The following MPPED1 variants were observed in gnomAD, a reference collection of about 807,000 sequenced individuals.
MPPED1 encodes metallophosphoesterase domain-containing protein 1.
In MPPED1, 16 loss-of-function variants were observed where a neutral mutation model predicts 36.2. The observed-to-expected ratio is 0.44, with a 90% CI of 0.30 to 0.67. The LOEUF is 0.67. Ranked by LOEUF, MPPED1 falls within the 30% of genes least tolerant of loss-of-function variation. The pLI is 0.10. For missense variants in MPPED1, 307 were observed against 453.4 expected, an observed-to-expected ratio of 0.68 and a Z score of 2.93; for synonymous variants, 199 against 191.3, an observed-to-expected ratio of 1.04 and a Z score of -0.33.
At chr22:43,466,024 A>T (rs895406933) in intron 3 of MPPED1, among the ~76,000 whole-genome samples, 1 of 152,192 alleles carries the variant, frequency 6.6e-6, no homozygotes, top group Non-Finnish European at 1.5e-5. Context: ...AAACACAGAA[A>T]ACTTTCGGCC....
chr22:43,487,185 A>G (rs1204942929), intron 4 of MPPED1, among the ~76,000 whole-genome samples: 1 of 152,098 alleles, frequency 6.6e-6, no homozygotes, highest in Non-Finnish European at 1.5e-5. Context: ...TGGAGAGGGG[A>G]CACCTGTGCT....
At chr22:43,495,941 G>A (rs1302972288) in intron 4 of MPPED1, among the ~76,000 whole-genome samples, 353 of 117,600 alleles carry the variant, frequency 3.0e-3, no homozygotes, top group South Asian at 4.4e-3. Context: ...GATGGTGGAG[G>A]TAGTGGTGGT....
At chr22:43,501,780 C>T (rs1932742393) in intron 5 of MPPED1, among the ~76,000 whole-genome samples, 1 of 152,090 alleles carries the variant, frequency 6.6e-6, no homozygotes, top group Non-Finnish European at 1.5e-5. Context: ...CAGCCTGTGC[C>T]CAACCCATTC....
intron 4 of MPPED1, among the ~76,000 whole-genome samples, chr22:43,495,461 GTGC>G: frequency 1.4e-5 from 2 of 147,130 alleles, no homozygotes; most frequent in Admixed American, 6.8e-5. Context: ...GGTGGTGGAA[GTGC>G]TGGTGATGGT....
intron 3 of MPPED1, among the ~76,000 whole-genome samples, chr22:43,448,279 G>A (rs1401021069): frequency 6.6e-6 from 1 of 152,216 alleles, no homozygotes; most frequent in Non-Finnish European, 1.5e-5. Flanking sequence ...GCTGTCCAGT[G>A]TGGTAACCAC....
Position 43,430,743 on chromosome 22 carries a change from TG to T in MPPED1, c.225-4284del, listed in dbSNP as rs77331967. On this transcript the variant is annotated intron_variant, in intron 2 of 6. Coordinates refer to ENST00000443721, the MANE Select transcript of MPPED1 (RefSeq NM_001044370.2). ...AAAGAACCATTTTGCACTTTTTTTT[TG>T]GGGGGGAGTCACAAAGTGTTGAGAT... Among the ~76,000 whole-genome samples, 583 of 152,048 alleles carry T rather than the reference TG, an allele frequency of 3.8e-3. 11 individuals carry two copies. The East Asian group carries it at 0.056, about 14-fold the overall frequency.
chr22:43,507,767 T>C lies in MPPED1; in HGVS notation c.*2151T>C, dbSNP rs1932833615. On this transcript the variant is annotated 3_prime_UTR_variant, in exon 7 of 7. Coordinates refer to ENST00000443721, the MANE Select transcript of MPPED1 (RefSeq NM_001044370.2). ...ATGACGGCGTGCTTCTCAATCATTT[T>C]GGCATAACTTGATTGTGGCTGTAAT... 1 of 151,822 alleles carries C rather than the reference T, an allele frequency of 6.6e-6. No individual in the cohort carries two copies. The highest frequency in any genetic ancestry group is 2.1e-4 in the South Asian group (1 of 4,812). 9.4% of individuals were successfully genotyped at this position (151,822 alleles called of 1,614,324 possible).
rs753715542 is a variant in MPPED1, at chr22:43,425,221, C to T, written c.224+12C>T. ...CCGCATGTGCAGATGTAAGTGGGAC[C>T]GGTGGGGTGGGGGTGGGGGCGGTGA... On this transcript the variant is annotated intron_variant, in intron 2 of 6. Transcript: ENST00000443721. 3.1e-4 allele frequency: 149 copies of T among 482,248 alleles called. No individual in the cohort carries two copies. Among genetic ancestry groups the T allele is most frequent in the Non-Finnish European group, 4.4e-4 (112 of 252,124 alleles). 29.9% of individuals were successfully genotyped at this position (482,248 alleles called of 1,614,324 possible). A position where few individuals can be genotyped will look rare whatever the true frequency, so the allele number is the denominator to read the frequency against.
rs141141790 is a variant in MPPED1 at position 43,491,344 on chromosome 22, T to G, written c.633-6891T>G. ...ATGATGGTAATGGTGATGGTGGTGA[T>G]GAGAGTGATGATGTTGATGTTGATA... On this transcript the variant is annotated intron_variant, in intron 4 of 6. Coordinates refer to ENST00000443721, the MANE Select transcript of MPPED1 (RefSeq NM_001044370.2). Among the ~76,000 whole-genome samples, 257 of 152,020 alleles carry G rather than the reference T, an allele frequency of 1.7e-3. 1 individual carries two copies. The highest frequency in any genetic ancestry group is 5.9e-3 in the African/African-American group (244 of 41,464).
Position 43,502,805 on chromosome 22 carries a change from TGGACCCTCCAGCA to T in MPPED1, c.862+54_862+66del, listed in dbSNP as rs1932760325. On this transcript the variant is annotated intron_variant, in intron 6 of 6. Coordinates refer to ENST00000443721, the MANE Select transcript of MPPED1 (RefSeq NM_001044370.2). This position sits in a 1 kb window ranked among gnomAD's most constrained non-coding sequence, Gnocchi z 5.5. Reference sequence around the variant, plus strand: ...CACCTCACGGGCTAGGGGCTCCTAATGGACCCTCCAGCAGGACCTCCCCTTCGTTCAGCCAGAA... The same window carrying T: ...CACCTCACGGGCTAGGGGCTCCTAATGGACCTCCCCTTCGTTCAGCCAGAA... 4.0e-6 allele frequency: 6 copies of T among 1,502,532 alleles called. No individual in the cohort carries two copies. The South Asian group carries it at 6.8e-5, about 17-fold the overall frequency. 93.1% of individuals were successfully genotyped at this position (1,502,532 alleles called of 1,614,324 possible). A position where few individuals can be genotyped will look rare whatever the true frequency, so the allele number is the denominator to read the frequency against.
At chr22:43,504,749 T>C in intron 6 of MPPED1, among the ~76,000 whole-genome samples, 1 of 151,856 alleles carries the variant, frequency 6.6e-6, no homozygotes, top group Non-Finnish European at 1.5e-5. Flanking sequence ...GTGGTGATGA[T>C]GTTGATTGTG....
At chr22:43,496,984 AGTGGTGGTGGAG>A (rs1932422040) in intron 4 of MPPED1, among the ~76,000 whole-genome samples, 3 of 12,448 alleles carry the variant, frequency 2.4e-4, no homozygotes, top group Non-Finnish European at 3.4e-4. Flanking sequence ...TGGTGGAGGT[AGTGGTGGTGGAG>A]GTGGTGGTGG....
intron 3 of MPPED1, among the ~76,000 whole-genome samples, chr22:43,438,406 G>A: frequency 6.6e-6 from 1 of 152,182 alleles, no homozygotes; most frequent in Non-Finnish European, 1.5e-5. Flanking sequence ...GTGTTGGGAA[G>A]TGGGAGAAGC....
At chr22:43,497,779 G>A (rs1299433314) in intron 4 of MPPED1, among the ~76,000 whole-genome samples, 2 of 145,284 alleles carry the variant, frequency 1.4e-5, no homozygotes, top group East Asian at 2.0e-4. Flanking sequence ...TTGACTGGGG[G>A]TCCACACACC....
intron 2 of MPPED1, among the ~76,000 whole-genome samples, chr22:43,427,249 GAC>G (rs963568874): frequency 1.3e-5 from 2 of 152,234 alleles, no homozygotes; most frequent in African/African-American, 4.8e-5. Flanking sequence ...GAAAGAGGAA[GAC>G]AGAGAGTGGG....
At chr22:43,437,131 C>T (rs116892822) in intron 3 of MPPED1, among the ~76,000 whole-genome samples, 1 of 152,308 alleles carries the variant, frequency 6.6e-6, no homozygotes, top group East Asian at 1.9e-4. Context: ...AATCGAAGCC[C>T]ATTTGCTGCT....
At chr22:43,434,407 G>A (rs1929877870) in intron 2 of MPPED1, among the ~76,000 whole-genome samples, 1 of 152,126 alleles carries the variant, frequency 6.6e-6, no homozygotes, top group Non-Finnish European at 1.5e-5. Flanking sequence ...TGCGACGGCG[G>A]ACGTGCGCTG....
intron 1 of MPPED1, among the ~76,000 whole-genome samples, chr22:43,420,089 G>A (rs1416334141): frequency 6.6e-6 from 1 of 152,154 alleles, no homozygotes; most frequent in Non-Finnish European, 1.5e-5. Flanking sequence ...CAGGTACAAG[G>A]TTTGTTCCAG....
intron 5 of MPPED1, among the ~76,000 whole-genome samples, chr22:43,499,499 GTGGTAA>G (rs1932552766): frequency 1.4e-5 from 2 of 146,030 alleles, no homozygotes; most frequent in South Asian, 2.4e-4. Flanking sequence ...GGTGGTGATG[GTGGTAA>G]TGGAGGTGAT....
Sources: gnomAD v4.1 joint callset for allele counts (sites outside exome capture counted in the v4.1 genomes callset) on GRCh38, gnomAD v4.1.1 for gene constraint, Gnocchi (gnomAD v3.1) non-coding constraint, MANE v1.5 for transcripts, NCBI Gene and HGNC (gene_info 2026-07-23, HGNC 2026-07-21) for gene names.